CRB1: variants seen among roughly 807,000 people sequenced by gnomAD.
CRB1 encodes the protein crumbs cell polarity complex component 1.
In CRB1, 83 loss-of-function variants were observed where a neutral mutation model predicts 120.0. That is an observed-to-expected ratio of 0.69 (90% CI 0.58 to 0.83). The LOEUF is 0.83. CRB1 is among the 40% of genes least tolerant of loss of function. The pLI, the probability that CRB1 is intolerant of heterozygous loss-of-function variation, is 0.00. For synonymous variants in CRB1, 625 were observed against 612.5 expected (o/e 1.02, Z -0.30); for missense variants, 1,699 against 1,687.6 (o/e 1.01, Z -0.12).
chr1:197,477,091 A>G (rs567777675), intron 11 of CRB1, among the ~76,000 whole-genome samples: 1 of 152,210 alleles, frequency 6.6e-6, no homozygotes, highest in Non-Finnish European at 1.5e-5. Flanking sequence ...TGCCTTTACA[A>G]CCATTCAATT....
chr1:197,439,428 G>A (rs1034723283), intron 10 of CRB1: 1 of 152,154 alleles, frequency 6.6e-6, no homozygotes, highest in Admixed American at 6.6e-5. Context: ...CTGTAAAGAA[G>A]GTTTCATGAT....
At chr1:197,340,527 G>A (rs1031649809) in intron 2 of CRB1, among the ~76,000 whole-genome samples, 9 of 152,094 alleles carry the variant, frequency 5.9e-5, no homozygotes, top group Non-Finnish European at 1.2e-4. Flanking sequence ...GAGTGATTGC[G>A]AAAAGAGAAG....
In CRB1 at chr1:197,421,436, G is replaced by C; in HGVS notation, c.1608G>C (p.Glu536Asp). 6.2e-7 allele frequency: 1 copy of C among 1,614,178 alleles called. No individual in the cohort carries two copies. Among genetic ancestry groups the C allele is most frequent in the Non-Finnish European group, 8.5e-7 (1 of 1,180,038 alleles). Residue 536 changes from glutamate (E) to aspartate (D), a missense_variant, in exon 6 of 12, where the codon GAG becomes GAC. Glu to Asp is a conservative substitution (Grantham distance 45, BLOSUM62 2). Transcript: ENST00000367400. Reference sequence around the variant, plus strand: ...ACAGGGATGTGTTTGTGAAGCTGGAGCTGCTAAGTGGCTACATTCACTTAT... The same window carrying C: ...ACAGGGATGTGTTTGTGAAGCTGGACCTGCTAAGTGGCTACATTCACTTAT... Reference protein sequence around the residue: ...RSNRDVFVKLELLSGYIHLSI... With the variant: ...RSNRDVFVKLDLLSGYIHLSI...
At chr1:197,219,768 T>A in the CRB1 span, among the ~76,000 whole-genome samples, 1 of 152,234 alleles carries the variant, frequency 6.6e-6, no homozygotes. Flanking sequence ...CCTCTAAGTT[T>A]TATACTATGT....
In CRB1 at chr1:197,438,668, G is replaced by A; in HGVS notation, c.3871G>A (p.Gly1291Arg). Residue 1291 changes from glycine to arginine, a missense_variant, in exon 10 of 12, where the codon GGA becomes AGA. Gly to Arg is a moderately radical substitution (Grantham distance 125). Transcript: ENST00000367400. Reference sequence around the variant, plus strand: ...ATGTATGTGCCGGCCAGGTTTTACTGGAGAATGGTGAGTCACATTAGAGCC... The same window carrying A: ...ATGTATGTGCCGGCCAGGTTTTACTAGAGAATGGTGAGTCACATTAGAGCC... The part of the protein sequence containing the change: ...LKCMCRPGFT[G>R]EWCEKDIDEC... 7.4e-6 allele frequency: 12 copies of A among 1,612,004 alleles called. No individual in the cohort carries two copies. Among genetic ancestry groups the A allele is most frequent in the Non-Finnish European group, 9.3e-6 (11 of 1,178,448 alleles).
intron 1 of CRB1, among the ~76,000 whole-genome samples, chr1:197,277,711 G>T (rs1655291521): frequency 6.6e-6 from 1 of 151,880 alleles, no homozygotes. Context: ...TATATGAGTT[G>T]TGTCAGTAAA....
At chr1:197,410,729 T>C (rs1201021063) in intron 5 of CRB1, among the ~76,000 whole-genome samples, 1 of 152,228 alleles carries the variant, frequency 6.6e-6, no homozygotes, top group Non-Finnish European at 1.5e-5. Flanking sequence ...GCATATTCTT[T>C]ACTTAAAATT....
chr1:197,260,625 A>C, the CRB1 span, among the ~76,000 whole-genome samples: 6 of 152,130 alleles, frequency 3.9e-5, no homozygotes, highest in Non-Finnish European at 7.4e-5. Context: ...CCTATTGAGA[A>C]GGAACATTTT....
At chr1:197,468,671 T>A (rs1666851793) in intron 11 of CRB1, among the ~76,000 whole-genome samples, 1 of 152,136 alleles carries the variant, frequency 6.6e-6, no homozygotes, top group African/African-American at 2.4e-5. Flanking sequence ...AAGGAAGGGA[T>A]AGATTTGGCT....
intron 1 of CRB1, among the ~76,000 whole-genome samples, chr1:197,321,938 TAAAG>T (rs1658221144): frequency 6.6e-6 from 1 of 152,138 alleles, no homozygotes; most frequent in Admixed American, 6.5e-5. Context: ...AAGAATGTCA[TAAAG>T]AAGATAATTT....
chr1:197,307,630 G>A (rs1195473351), intron 1 of CRB1, among the ~76,000 whole-genome samples: 1 of 152,052 alleles, frequency 6.6e-6, no homozygotes, highest in Non-Finnish European at 1.5e-5. Context: ...TTCTCTTTTT[G>A]TTTAAATTAT....
At chr1:197,464,477 T>A (rs1041733268) in intron 11 of CRB1, among the ~76,000 whole-genome samples, 1 of 152,004 alleles carries the variant, frequency 6.6e-6, no homozygotes, top group Non-Finnish European at 1.5e-5. Flanking sequence ...GGGAAGTATT[T>A]TTTTTTTTAA....
At chr1:197,315,527 C>G (rs1350143181) in intron 1 of CRB1, among the ~76,000 whole-genome samples, 6 of 152,170 alleles carry the variant, frequency 3.9e-5, no homozygotes, top group Admixed American at 3.3e-4. Flanking sequence ...CAAAAATCCA[C>G]ATGTGTGGAG....
chr1:197,321,702 TGGC>T (rs1658205893), intron 1 of CRB1, among the ~76,000 whole-genome samples: 2 of 152,200 alleles, frequency 1.3e-5, no homozygotes, highest in African/African-American at 4.8e-5. Flanking sequence ...TCTTCATATA[TGGC>T]ATGAAGAACA....
chr1:197,224,062 T>G, the CRB1 span, among the ~76,000 whole-genome samples: 1 of 152,108 alleles, frequency 6.6e-6, no homozygotes. Context: ...CTTTTTGGAA[T>G]GGACTCATGT....
chr1:197,268,527 C>A, intron 1 of CRB1, 45 bp downstream of exon 1: 1 of 1,328,912 alleles, frequency 7.5e-7, no homozygotes, highest in Non-Finnish European at 1.1e-6. Flanking sequence ...TTATTTCTGG[C>A]TTATTATATT....
chr1:197,413,066 G>A (rs1252147788), intron 5 of CRB1, among the ~76,000 whole-genome samples: 1 of 152,144 alleles, frequency 6.6e-6, no homozygotes, highest in African/African-American at 2.4e-5. Context: ...TAAAGGAATT[G>A]CTCTGATTGT....
chr1:197,273,335 A>G (rs1655010611), intron 1 of CRB1, among the ~76,000 whole-genome samples: 1 of 152,136 alleles, frequency 6.6e-6, no homozygotes, highest in African/African-American at 2.4e-5. Context: ...AATATTATCA[A>G]TGATTTATAC....
chr1:197,434,235 T>C (rs776753136), intron 8 of CRB1, among the ~76,000 whole-genome samples: 6 of 152,158 alleles, frequency 3.9e-5, no homozygotes, highest in Non-Finnish European at 8.8e-5. Context: ...GAAGCCAGAC[T>C]CCACTGTTAA....
Sources: allele counts gnomAD v4.1 joint callset (sites outside exome capture counted in the v4.1 genomes callset), GRCh38; gene constraint gnomAD v4.1.1; transcripts MANE v1.5; gene names NCBI Gene and HGNC (gene_info 2026-07-23, HGNC 2026-07-21).